The following FGGY variants were observed in gnomAD, a reference collection of about 807,000 sequenced individuals.
FGGY encodes FGGY carbohydrate kinase domain containing, also known as FGGY carbohydrate kinase domain-containing protein.
Under a neutral mutation model 71.3 loss-of-function variants are expected in FGGY, and 72 were observed. The observed-to-expected ratio is 1.01, with a 90% CI of 0.84 to 1.23. The LOEUF (loss-of-function observed/expected upper bound fraction) is 1.23. Ranked by LOEUF, FGGY falls within the 50% of genes most tolerant of loss-of-function variation. The pLI is 0.00. For missense variants in FGGY, 668 were observed against 682.3 expected, an observed-to-expected ratio of 0.98 and a Z score of 0.23; for synonymous variants, 251 against 250.3, an observed-to-expected ratio of 1.00 and a Z score of -0.02.
At chr1:59,732,470 C>T (rs2098045190) in intron 14 of FGGY, among the ~76,000 whole-genome samples, 1 of 152,152 alleles carries the variant, frequency 6.6e-6, no homozygotes, top group East Asian at 1.9e-4. Context: ...TGTCAGCATG[C>T]AGGCACAGAA....
intron 9 of FGGY, among the ~76,000 whole-genome samples, chr1:59,619,388 G>A (rs775906155): frequency 6.6e-6 from 1 of 152,074 alleles, no homozygotes; most frequent in African/African-American, 2.4e-5. Context: ...AAGACAAATA[G>A]AGGAGGTAGC....
intron 8 of FGGY, among the ~76,000 whole-genome samples, chr1:59,607,024 A>G (rs1004847251): frequency 2.6e-5 from 4 of 152,238 alleles, no homozygotes; most frequent in African/African-American, 9.6e-5. Context: ...AAGGAAAGAA[A>G]TCTATCAGTT....
chr1:59,488,495 G>A (rs1029613815), intron 6 of FGGY, among the ~76,000 whole-genome samples: 23 of 148,056 alleles, frequency 1.6e-4, no homozygotes, highest in African/African-American at 5.6e-4. Flanking sequence ...GTATATGTGT[G>A]TGTATATATA....
chr1:59,588,560 A>G (rs1458802911), intron 8 of FGGY, among the ~76,000 whole-genome samples: 3 of 152,210 alleles, frequency 2.0e-5, no homozygotes, highest in Non-Finnish European at 4.4e-5. Flanking sequence ...TTACCCACAA[A>G]GGGAAGCCCA....
At chr1:59,543,672 C>T (rs2095479435) in intron 7 of FGGY, among the ~76,000 whole-genome samples, 1 of 152,136 alleles carries the variant, frequency 6.6e-6, no homozygotes, top group Non-Finnish European at 1.5e-5. Flanking sequence ...GAGAGCTAGC[C>T]TGCTAATTAA....
intron 8 of FGGY, among the ~76,000 whole-genome samples, chr1:59,602,796 G>A (rs1003689433): frequency 5.9e-5 from 9 of 152,082 alleles, no homozygotes; most frequent in African/African-American, 1.4e-4. Flanking sequence ...CTTTGGGCTC[G>A]TACTGCACTC....
chr1:59,731,744 G>A (rs1467194374), intron 14 of FGGY, among the ~76,000 whole-genome samples: 1 of 152,068 alleles, frequency 6.6e-6, no homozygotes, highest in East Asian at 1.9e-4. Context: ...TTCTGGATTG[G>A]ATAAAGTTGA....
chr1:59,406,179 C>A (rs1158433676), intron 5 of FGGY, among the ~76,000 whole-genome samples: 2 of 151,688 alleles, frequency 1.3e-5, no homozygotes, highest in Non-Finnish European at 2.9e-5. Flanking sequence ...TATTTGTAAC[C>A]CTCAAATCAA....
chr1:59,690,193 G>A (rs116111820), intron 14 of FGGY, among the ~76,000 whole-genome samples: 2,366 of 152,268 alleles, frequency 0.016, 71 homozygotes, highest in African/African-American at 0.055. Flanking sequence ...TTATAGTATG[G>A]TGGGGTGCTG....
chr1:59,679,491 AT>A lies in FGGY; in HGVS notation c.1512+5365del, dbSNP rs1436471329. Among the ~76,000 whole-genome samples, 6 of 151,768 alleles carry A rather than the reference AT, an allele frequency of 4.0e-5. No individual in the cohort carries two copies. The East Asian group carries it at 9.7e-4, about 25-fold the overall frequency. On this transcript the variant is annotated intron_variant, in intron 14 of 15. Transcript: ENST00000303721. ...GGTGCATTCAATTTAGTTTACTTGC[AT>A]TTTTTTCTTTGTCTGGAATACTAAC...
At chr1:59,558,836 C>A (rs942789411) in intron 8 of FGGY, among the ~76,000 whole-genome samples, 1 of 152,052 alleles carries the variant, frequency 6.6e-6, no homozygotes, top group Non-Finnish European at 1.5e-5. Context: ...TATAGACCTC[C>A]CCCCAGGAAT....
At chr1:59,313,453 G>A (rs1197934317) in intron 1 of FGGY, among the ~76,000 whole-genome samples, 1 of 152,148 alleles carries the variant, frequency 6.6e-6, no homozygotes, top group Non-Finnish European at 1.5e-5. Flanking sequence ...TGGCGAGAAT[G>A]CCTAGGTATA....
chr1:59,537,598 A>G (rs1272463307), intron 7 of FGGY, among the ~76,000 whole-genome samples: 13 of 152,250 alleles, frequency 8.5e-5, no homozygotes, highest in Non-Finnish European at 1.0e-4. Flanking sequence ...TTCAAGCTAT[A>G]CTACAAGGGT....
chr1:59,672,771 G>A (rs1338151574), intron 13 of FGGY, among the ~76,000 whole-genome samples: 1 of 152,166 alleles, frequency 6.6e-6, no homozygotes, highest in Admixed American at 6.5e-5. Context: ...TAACTCTTAT[G>A]GCTTGAGTAG....
chr1:59,348,353 C>T (rs1214181653), intron 4 of FGGY, among the ~76,000 whole-genome samples: 1 of 152,136 alleles, frequency 6.6e-6, no homozygotes, highest in African/African-American at 2.4e-5. Context: ...CACCTGCACT[C>T]GAGTTTCTCA....
chr1:59,548,217 G>A (rs1437832067), intron 7 of FGGY, among the ~76,000 whole-genome samples: 2 of 152,048 alleles, frequency 1.3e-5, no homozygotes, highest in Non-Finnish European at 2.9e-5. Context: ...TATGGGATGA[G>A]GTGTATTGGT....
intron 14 of FGGY, among the ~76,000 whole-genome samples, chr1:59,710,564 T>A (rs1431828548): frequency 6.6e-6 from 1 of 152,110 alleles, no homozygotes; most frequent in Admixed American, 6.5e-5. Context: ...AAATGGCTAA[T>A]ATCCAGAATT....
chr1:59,419,542 TC>T (rs1423073287), intron 5 of FGGY, among the ~76,000 whole-genome samples: 2 of 152,302 alleles, frequency 1.3e-5, no homozygotes, highest in African/African-American at 4.8e-5. Context: ...CAAGTATTCA[TC>T]TGAGAACATC....
rs2060453117 is a variant in FGGY, at chr1:59,389,458, G to A, written c.554+10621G>A. Among the ~76,000 whole-genome samples, 3 of 152,256 alleles carry A rather than the reference G, an allele frequency of 2.0e-5. No individual in the cohort carries two copies. In the South Asian group the frequency reaches 6.2e-4, roughly 32 times the overall value. On this transcript the variant is annotated intron_variant, in intron 5 of 15. Transcript: ENST00000303721. ...TGTGTGCATATACTACATTTTGCTT[G>A]TCCATTCATCTTGTCCAAATGGACC...
Sources: gnomAD v4.1 joint callset for allele counts (sites outside exome capture counted in the v4.1 genomes callset) on GRCh38, gnomAD v4.1.1 for gene constraint, MANE v1.5 for transcripts, NCBI Gene and HGNC (gene_info 2026-07-23, HGNC 2026-07-21) for gene names.